The following CACNA1C variants were observed in gnomAD, a reference collection of about 807,000 sequenced individuals.
The protein encoded by CACNA1C is calcium voltage-gated channel subunit alpha1 C, also known as voltage-dependent L-type calcium channel subunit alpha-1C.
Under a neutral mutation model 229.0 loss-of-function variants are expected in CACNA1C, and 30 were observed. The observed-to-expected ratio is 0.13, with a 90% CI of 0.10 to 0.18. CACNA1C has a LOEUF of 0.18. Among genes scored for constraint, CACNA1C ranks in the 10% least tolerant of loss-of-function variants. The pLI is 1.00. For missense variants in CACNA1C, 1,658 were observed against 2,845.0 expected (o/e 0.58, Z 9.49); for synonymous variants, 1,114 against 1,132.5 (o/e 0.98, Z 0.33).
chr12:2,550,411 A>T, intron 10 of CACNA1C: 1 of 619,286 alleles, frequency 1.6e-6, no homozygotes, highest in Non-Finnish European at 2.5e-6. Flanking sequence ...CAGCGAGGTT[A>T]GGGCCCTGAG....
chr12:2,405,534 C>G (rs1400337396), intron 3 of CACNA1C, among the ~76,000 whole-genome samples: 1 of 152,154 alleles, frequency 6.6e-6, no homozygotes, highest in Non-Finnish European at 1.5e-5. Flanking sequence ...ATTCGTTGAA[C>G]ATTTTTTAGA....
intron 3 of CACNA1C, among the ~76,000 whole-genome samples, chr12:2,125,343 T>C (rs1049032239): frequency 1.4e-4 from 22 of 152,134 alleles, no homozygotes; most frequent in African/African-American, 5.3e-4. Flanking sequence ...TCTGTACCCC[T>C]ATGGAGGCCC....
chr12:2,361,627 G>T (rs2097560841), intron 3 of CACNA1C, among the ~76,000 whole-genome samples: 1 of 152,220 alleles, frequency 6.6e-6, no homozygotes. Flanking sequence ...AAAGCTGAAA[G>T]CCTGGGACAG....
chr12:2,234,761 A>G (rs2066671685), intron 3 of CACNA1C, among the ~76,000 whole-genome samples: 1 of 152,136 alleles, frequency 6.6e-6, no homozygotes, highest in South Asian at 2.1e-4. Flanking sequence ...AGAATTTTAA[A>G]TTAGCTGACC....
chr12:2,459,963 G>A (rs1162445284), intron 5 of CACNA1C, among the ~76,000 whole-genome samples: 8 of 152,236 alleles, frequency 5.3e-5, no homozygotes, highest in Non-Finnish European at 7.3e-5. Context: ...ATAACAGTCA[G>A]CTTTTGCTGT....
At chr12:2,099,509 G>C (rs1181004175) in intron 1 of CACNA1C, among the ~76,000 whole-genome samples, 2 of 152,110 alleles carry the variant, frequency 1.3e-5, no homozygotes, top group Non-Finnish European at 2.9e-5. Context: ...CAGGCGGCCT[G>C]TCTGTCCCCT....
At chr12:2,559,428 A>G (rs1351951590) in intron 11 of CACNA1C, among the ~76,000 whole-genome samples, 1 of 152,248 alleles carries the variant, frequency 6.6e-6, no homozygotes, top group Non-Finnish European at 1.5e-5. Flanking sequence ...CAAGAGGGAA[A>G]GAGCAGTGGT....
intron 27 of CACNA1C, 58 bp from the exon 28 acceptor site, chr12:2,610,483 C>G: frequency 3.3e-6 from 5 of 1,538,452 alleles, no homozygotes; most frequent in Non-Finnish European, 4.4e-6. Flanking sequence ...TCTGCCAGCT[C>G]CCCCCACACC....
At position 2,577,434 on chromosome 12, in the gene CACNA1C, C is replaced by T. The variant is rs1238759160; in HGVS notation, c.1896-4156C>T. 7.9e-5 allele frequency among the ~76,000 whole-genome samples: 12 copies of T among 152,278 alleles called. No individual in the cohort carries two copies. The East Asian group carries it at 1.4e-3, about 17-fold the overall frequency. On this transcript the variant is annotated intron_variant, in intron 13 of 46. Transcript: ENST00000399655. Reference sequence around the variant, plus strand: ...CAAGGTTTGCTCAAGCCACAGAAACCGTTTTCTGTAGGACATATTGATACA... The same window carrying T: ...CAAGGTTTGCTCAAGCCACAGAAACTGTTTTCTGTAGGACATATTGATACA...
intron 3 of CACNA1C, among the ~76,000 whole-genome samples, chr12:2,444,196 G>A (rs968251835): frequency 1.3e-5 from 2 of 152,176 alleles, no homozygotes; most frequent in African/African-American, 4.8e-5. Flanking sequence ...CGGCAGGTGA[G>A]ATGTGATGAA....
At chr12:2,447,963 C>G (rs1276259245) in intron 3 of CACNA1C, among the ~76,000 whole-genome samples, 1 of 152,228 alleles carries the variant, frequency 6.6e-6, no homozygotes, top group Non-Finnish European at 1.5e-5. Flanking sequence ...TTTCGTGGCT[C>G]CAGTGAGGGA....
At chr12:2,522,217 G>A (rs1467805385) in intron 9 of CACNA1C, among the ~76,000 whole-genome samples, 1 of 152,196 alleles carries the variant, frequency 6.6e-6, no homozygotes, top group East Asian at 1.9e-4. Flanking sequence ...CCAGTCGGTG[G>A]GGGTGGCCCA....
intron 3 of CACNA1C, among the ~76,000 whole-genome samples, chr12:2,137,678 C>G (rs1186599611): frequency 6.6e-6 from 1 of 151,208 alleles, no homozygotes; most frequent in African/African-American, 2.4e-5. Flanking sequence ...ATATTTGTCT[C>G]TAAAATACTT....
intron 3 of CACNA1C, among the ~76,000 whole-genome samples, chr12:2,374,938 A>C (rs563895347): frequency 6.6e-6 from 1 of 152,364 alleles, no homozygotes; most frequent in East Asian, 1.9e-4. Context: ...GGACAGCCTC[A>C]GAGCTTGGCA....
intron 3 of CACNA1C, among the ~76,000 whole-genome samples, chr12:2,228,290 A>C (rs780374871): frequency 6.6e-6 from 1 of 152,178 alleles, no homozygotes; most frequent in Non-Finnish European, 1.5e-5. Context: ...TAAGCACTTG[A>C]CACGTGTATA....
rs58922699 is a variant in CACNA1C at position 2,041,270 on chromosome 12, C to CTTTTTTTT, written c.139+70086_139+70093dup. 6.3e-4 allele frequency among the ~76,000 whole-genome samples: 57 copies of CTTTTTTTT among 90,994 alleles called. 3 individuals carry two copies. Among genetic ancestry groups the CTTTTTTTT allele is most frequent in the East Asian group, 1.3e-3 (3 of 2,368 alleles). The allele number at this position is 90,994 out of a possible 152,430, so 59.7% of individuals were successfully genotyped here. On this transcript the variant is annotated intron_variant, in intron 1 of 46. Transcript: ENST00000682462. ...GGGTCACAGTGATGCTAAGGGTATTCTTTTTTTTTTTTTTTTTTTTTTTTG... is the reference window on the plus strand; with the variant it reads ...GGGTCACAGTGATGCTAAGGGTATTCTTTTTTTTTTTTTTTTTTTTTTTTTTTTTTTTG...
intron 9 of CACNA1C, among the ~76,000 whole-genome samples, chr12:2,548,695 A>G (rs975348272): frequency 1.3e-5 from 2 of 152,194 alleles, no homozygotes; most frequent in African/African-American, 4.8e-5. Flanking sequence ...TCTTGAAATG[A>G]TTCTCTTCTC....
chr12:1,987,903 C>T lies in CACNA1C; in HGVS notation c.139+16702C>T, dbSNP rs557543869. On this transcript the variant is annotated intron_variant, in intron 1 of 46. Transcript: ENST00000682462. Reference sequence around the variant, plus strand: ...TCTCCCTCCCCCTTAGTTTTCAATGCTCCTCATATCATCACCAAACTCTTA... The same window carrying T: ...TCTCCCTCCCCCTTAGTTTTCAATGTTCCTCATATCATCACCAAACTCTTA... Among the ~76,000 whole-genome samples the T allele has an allele frequency of 5.1e-4, 77 of 152,282 alleles. 1 individual carries two copies. Among genetic ancestry groups the T allele is most frequent in the Admixed American group, 2.9e-3 (44 of 15,294 alleles).
intron 9 of CACNA1C, among the ~76,000 whole-genome samples, chr12:2,548,381 G>T (rs2099886521): frequency 6.7e-6 from 1 of 149,824 alleles, no homozygotes; most frequent in South Asian, 2.1e-4. Flanking sequence ...GGTCGAGACT[G>T]GGGCGCTCAA....
Sources: gnomAD v4.1 joint callset for allele counts (sites outside exome capture counted in the v4.1 genomes callset) on GRCh38, gnomAD v4.1.1 for gene constraint, MANE v1.5 for transcripts, NCBI Gene and HGNC (gene_info 2026-07-23, HGNC 2026-07-21) for gene names.